ASNSD1: variants seen among roughly 807,000 people sequenced by gnomAD.
ASNSD1 encodes the protein asparagine synthetase domain-containing protein 1.
Under a neutral mutation model 48.3 loss-of-function variants are expected in ASNSD1, and 36 were observed. The ratio of observed to expected loss-of-function variants is 0.75; its 90% confidence interval spans 0.57 to 0.99. The LOEUF (loss-of-function observed/expected upper bound fraction) is 0.99, where lower values mean the gene tolerates loss of function less well. ASNSD1 is among the 50% of genes least tolerant of loss of function. ASNSD1 has a pLI of 0.00. For synonymous variants in ASNSD1, 257 were observed against 262.1 expected, an observed-to-expected ratio of 0.98 and a Z score of 0.19; for missense variants, 714 against 758.2, an observed-to-expected ratio of 0.94 and a Z score of 0.69.
At chr2:189,669,812 A>G (rs1273388119) in intron 5 of ASNSD1, among the ~76,000 whole-genome samples, 1 of 152,176 alleles carries the variant, frequency 6.6e-6, no homozygotes, top group African/African-American at 2.4e-5. Flanking sequence ...AGGGGAAAAA[A>G]ATCTAATATT....
intron 1 of ASNSD1, among the ~76,000 whole-genome samples, chr2:189,662,948 CAAAA>C (rs67898532): frequency 9.1e-5 from 7 of 76,956 alleles, no homozygotes; most frequent in Non-Finnish European, 1.3e-4. Flanking sequence ...GACCCTGTTT[CAAAA>C]AAAAAAAAAA....
intron 2 of ASNSD1, among the ~76,000 whole-genome samples, chr2:189,664,541 A>G (rs571143913): frequency 6.6e-6 from 1 of 152,334 alleles, no homozygotes. Flanking sequence ...TTATGTAATA[A>G]CTGGCTGGTT....
Position 189,665,469 on chromosome 2 carries a change from T to G in ASNSD1, c.-93+18T>G, listed in dbSNP as rs1353442649. On this transcript the variant is annotated intron_variant, in intron 3 of 5. Coordinates refer to ENST00000260952, the MANE Select transcript of ASNSD1 (RefSeq NM_019048.4). ...GAGCAAGAGTAAGTTTTTTCTTTTT[T>G]GGGGTTTTTGGGGGGTGCCTAAATT... The G allele has an allele frequency of 2.5e-6, 1 of 396,696 alleles. No individual in the cohort carries two copies. The highest frequency in any genetic ancestry group is 2.1e-5 in the African/African-American group (1 of 48,262). The allele number at this position is 396,696 out of a possible 1,614,324, so 24.6% of individuals were successfully genotyped here. A position where few individuals can be genotyped will look rare whatever the true frequency, so the allele number is the denominator to read the frequency against.
rs1165751700 is a variant in ASNSD1, at chr2:189,667,492, A to G, written c.1360A>G (p.Thr454Ala). Reference protein sequence around the residue: ...RICHLIRPLDTVLDDSIGCAV... With the variant: ...RICHLIRPLDAVLDDSIGCAV... ...ATGTCACTTAATTCGGCCATTGGATACAGTTTTGGATGATAGCATTGGCTG... is the reference window on the plus strand; with the variant it reads ...ATGTCACTTAATTCGGCCATTGGATGCAGTTTTGGATGATAGCATTGGCTG... The change falls in exon 4 of 6, where the codon ACA (threonine) becomes GCA (alanine). Residue 454 changes from threonine to alanine, a missense_variant. Coordinates refer to ENST00000260952, the MANE Select transcript of ASNSD1 (RefSeq NM_019048.4). The G allele has an allele frequency of 1.9e-6, 3 of 1,614,196 alleles. No homozygotes were observed. The highest frequency in any genetic ancestry group is 2.2e-5 in the East Asian group (1 of 44,876).
chr2:189,670,667 G>T lies in ASNSD1; in HGVS notation c.1873G>T (p.Gly625Ter). 1 of 1,612,530 alleles carries T rather than the reference G, an allele frequency of 6.2e-7. No homozygotes were observed. Among genetic ancestry groups the T allele is most frequent in the South Asian group, 1.1e-5 (1 of 90,642 alleles). ...TAATGAAAAGGCATCTGATAAATGTGGACGGCTCCAAATCATGTCCTTAGA... is the reference window on the plus strand; with the variant it reads ...TAATGAAAAGGCATCTGATAAATGTTGACGGCTCCAAATCATGTCCTTAGA... Reference protein sequence around the residue: ...KINEKASDKCGRLQIMSLENL... With the variant: ...KINEKASDKC Residue 625 changes from glycine to a stop codon, truncating the protein, a stop_gained, in exon 6 of 6, where the codon GGA becomes TGA. Coordinates refer to ENST00000260952, the MANE Select transcript of ASNSD1 (RefSeq NM_019048.4). LOFTEE classifies it high-confidence loss of function.
chr2:189,664,094 A>G (rs1051824157), intron 2 of ASNSD1, 140 bp downstream of exon 2: 19 of 328,314 alleles, frequency 5.8e-5, no homozygotes, highest in African/African-American at 3.6e-4. Flanking sequence ...TAAAATTGCA[A>G]GTGTCTAGAT....
rs1030484839 is a variant in ASNSD1, at chr2:189,665,425, G to A, written c.-119G>A. ...AGCAATATATTCTTTCTTGCAGACC[G>A]AACAGAAATGCTGTCTGAGAGCAAG... is the stretch of plus-strand genomic sequence containing the variant. On this transcript the variant is annotated 5_prime_UTR_variant, in exon 3 of 6. Coordinates refer to ENST00000260952, the MANE Select transcript of ASNSD1 (RefSeq NM_019048.4). 1.5e-5 allele frequency: 6 copies of A among 397,422 alleles called. No individual in the cohort carries two copies. The highest frequency in any genetic ancestry group is 1.4e-4 in the East Asian group (4 of 27,966). The allele number at this position is 397,422 out of a possible 1,614,324, so 24.6% of individuals were successfully genotyped here.
Position 189,665,620 on chromosome 2 carries a change from A to G in ASNSD1, c.-93+169A>G, listed in dbSNP as rs867963518. 6.3e-4 allele frequency among the ~76,000 whole-genome samples: 72 copies of G among 114,314 alleles called. 3 individuals are homozygous for G. Among genetic ancestry groups the G allele is most frequent in the Middle Eastern group, 4.4e-3 (1 of 226 alleles). 75.0% of individuals were successfully genotyped at this position (114,314 alleles called of 152,430 possible). A position where few individuals can be genotyped will look rare whatever the true frequency, so the allele number is the denominator to read the frequency against. Reference sequence around the variant, plus strand: ...TGTGTATATATATATATATATATATATATATATATATATATATATATATAT... The same window carrying G: ...TGTGTATATATATATATATATATATGTATATATATATATATATATATATAT... On this transcript the variant is annotated intron_variant, in intron 3 of 5. Coordinates refer to ENST00000260952, the MANE Select transcript of ASNSD1 (RefSeq NM_019048.4).
rs765020623 is a variant in ASNSD1 at position 189,666,482 on chromosome 2, G to A, written c.350G>A (p.Gly117Asp). 2 of 1,613,522 alleles carry A rather than the reference G, an allele frequency of 1.2e-6. No homozygotes were observed. The highest frequency in any genetic ancestry group is 1.7e-6 in the Non-Finnish European group (2 of 1,179,892). Residue 117 changes from glycine to aspartate, a missense_variant, in exon 4 of 6, where the codon GGT becomes GAT. By Grantham distance (94) the Gly-to-Asp change is moderately conservative. Transcript: ENST00000260952. ...TTGTCACTCTTCTCAGAAGTACAAGGTCCCTGGTCATTTATATATTATCAA... is the reference window on the plus strand; with the variant it reads ...TTGTCACTCTTCTCAGAAGTACAAGATCCCTGGTCATTTATATATTATCAA... ...EILSLFSEVQ[G>D]PWSFIYYQAS...
At chr2:189,664,478 C>T (rs1370567780) in intron 2 of ASNSD1, among the ~76,000 whole-genome samples, 2 of 152,182 alleles carry the variant, frequency 1.3e-5, no homozygotes, top group African/African-American at 4.8e-5. Flanking sequence ...TGTCAAATTG[C>T]ATTTTAACAT....
At chr2:189,665,616 A>ACATATATATATGTG (rs1559034453) in intron 3 of ASNSD1, among the ~76,000 whole-genome samples, 165 bp downstream of exon 3, 1 of 107,000 alleles carries the variant, frequency 9.3e-6, no homozygotes, top group African/African-American at 3.7e-5. Context: ...ATATATATAT[A>ACATATATATATGTG]TATATATATA....
At position 189,666,216 on chromosome 2, in the gene ASNSD1, ACAG is replaced by A; in HGVS notation, c.86_88del (p.Gln29del). The A allele has an allele frequency of 6.2e-7, 1 of 1,613,538 alleles. No homozygotes were observed. The highest frequency in any genetic ancestry group is 1.3e-5 in the African/African-American group (1 of 75,050). On this transcript the variant is annotated inframe_deletion, in exon 4 of 6. Coordinates refer to ENST00000260952, the MANE Select transcript of ASNSD1 (RefSeq NM_019048.4). ...AAGAGGACTTACTATATAATCTTAAACAGCGGGGACCCAATAGTAGTAAACAAT... is the reference window on the plus strand; with the variant it reads ...AAGAGGACTTACTATATAATCTTAAACGGGGACCCAATAGTAGTAAACAAT...
chr2:189,666,240 A>G lies in ASNSD1; in HGVS notation c.108A>G (p.Lys36=), dbSNP rs2032799761. The G allele has an allele frequency of 6.2e-7, 1 of 1,614,122 alleles. No individual in the cohort carries two copies. The highest frequency in any genetic ancestry group is 1.1e-5 in the South Asian group (1 of 91,078). Residue 36 remains lysine (K), a synonymous_variant, in exon 4 of 6, where the codon AAA becomes AAG. Transcript: ENST00000260952. ...AACAGCGGGGACCCAATAGTAGTAA[A>G]CAATTGTTAAAGTCTGATGTTAACT... ...NLKQRGPNSS[K]QLLKSDVNYQ... is the part of the protein sequence containing the mutation.
At chr2:189,665,588 ATATATATGTG>A (rs1375949595) in intron 3 of ASNSD1, 137 bp downstream of exon 3, 13 of 17,076 alleles carry the variant, frequency 7.6e-4, no homozygotes, top group African/African-American at 1.9e-3. Flanking sequence ...CAACAGTTAT[ATATATATGTG>A]TATATATATA....
chr2:189,665,600 A>G (rs12693553), intron 3 of ASNSD1, 149 bp downstream of exon 3: 2,421 of 4,732 alleles, frequency 0.51, 591 homozygotes, highest in Middle Eastern at 0.83. Flanking sequence ...ATATATGTGT[A>G]TATATATATA....
chr2:189,663,116 A>T (rs971122409), intron 1 of ASNSD1, among the ~76,000 whole-genome samples: 53 of 152,280 alleles, frequency 3.5e-4, no homozygotes, highest in Admixed American at 5.9e-4. Flanking sequence ...ACATAAAATC[A>T]TGAAAATATT....
Position 189,665,356 on chromosome 2 carries a change from G to C in ASNSD1, c.-168-20G>C, listed in dbSNP as rs748753805. 1 of 395,248 alleles carries C rather than the reference G, an allele frequency of 2.5e-6. No individual in the cohort carries two copies. Among genetic ancestry groups the C allele is most frequent in the East Asian group, 3.6e-5 (1 of 27,806 alleles). The allele number at this position is 395,248 out of a possible 1,614,324, so 24.5% of individuals were successfully genotyped here. A position where few individuals can be genotyped will look rare whatever the true frequency, so the allele number is the denominator to read the frequency against. On this transcript the variant is annotated intron_variant, in intron 2 of 5. Transcript: ENST00000260952. ...CTTTTTAGATCAAAATTTGATATTA[G>C]CCTAAATTATGTTTTCCAGAAAGTA...
chr2:189,667,259 A>T lies in ASNSD1; in HGVS notation c.1127A>T (p.Asn376Ile). 6.2e-7 allele frequency: 1 copy of T among 1,614,152 alleles called. No homozygotes were observed. Among genetic ancestry groups the T allele is most frequent in the Non-Finnish European group, 8.5e-7 (1 of 1,180,034 alleles). Reference protein sequence around the residue: ...TFNREGNKQKNKCEIPSEEFS... With the variant: ...TFNREGNKQKIKCEIPSEEFS... ...AACAGAGAAGGGAATAAACAGAAAAATAAATGTGAAATACCTTCAGAAGAA... is the reference window on the plus strand; with the variant it reads ...AACAGAGAAGGGAATAAACAGAAAATTAAATGTGAAATACCTTCAGAAGAA... Residue 376 changes from asparagine (N) to isoleucine (I), a missense_variant, in exon 4 of 6, where the codon AAT becomes ATT. Transcript: ENST00000260952.
At chr2:189,669,062 T>C (rs75526603) in intron 5 of ASNSD1, among the ~76,000 whole-genome samples, 1 of 150,596 alleles carries the variant, frequency 6.6e-6, no homozygotes, top group East Asian at 1.9e-4. Context: ...TTTCTCTCCC[T>C]CTCTCTCTCT....
Sources: gnomAD v4.1 joint callset for allele counts (sites outside exome capture counted in the v4.1 genomes callset) on GRCh38, gnomAD v4.1.1 for gene constraint, MANE v1.5 for transcripts, NCBI Gene and HGNC (gene_info 2026-07-23, HGNC 2026-07-21) for gene names.